Variants in DYNC1I2 observed in about 807,000 individuals in gnomAD.
DYNC1I2 encodes dynein cytoplasmic 1 intermediate chain 2, also known as cytoplasmic dynein 1 intermediate chain 2.
DYNC1I2 carries 53 observed loss-of-function variants against 88.6 expected under a neutral mutation model. The ratio of observed to expected loss-of-function variants is 0.60; its 90% CI spans 0.48 to 0.75. DYNC1I2 has a LOEUF of 0.75. Among genes scored for constraint, DYNC1I2 ranks in the 30% least tolerant of loss-of-function variants. The pLI is 0.00. For missense variants in DYNC1I2, 458 were observed against 766.6 expected (o/e 0.60, Z 4.75); for synonymous variants, 198 against 254.6 (o/e 0.78, Z 2.12).
intron 15 of DYNC1I2, among the ~76,000 whole-genome samples, chr2:171,733,470 T>G (rs866272414): frequency 3.2e-3 from 440 of 137,322 alleles, no homozygotes; most frequent in Non-Finnish European, 4.7e-3. Context: ...TTTTTTTTTT[T>G]TTTTTTTTTT....
At position 171,749,776 on chromosome 2, in the gene DYNC1I2, C is replaced by A. The variant is rs1689992178; in HGVS notation, c.*1887C>A. Among the ~76,000 whole-genome samples, 1 of 152,042 alleles carries A rather than the reference C, an allele frequency of 6.6e-6. No homozygotes were observed. The highest frequency in any genetic ancestry group is 1.9e-4 in the East Asian group (1 of 5,200). ...TACCTTTGCCCATTCAACTTTAGTC[C>A]ATATTTTTAGGAACACACAAATTTA... On this transcript the variant is annotated 3_prime_UTR_variant, in exon 18 of 18. Transcript: ENST00000397119.
chr2:171,689,971 C>G (rs142566884), intron 1 of DYNC1I2, among the ~76,000 whole-genome samples, 176 bp from the exon 2 acceptor site: 2 of 150,120 alleles, frequency 1.3e-5, no homozygotes, highest in African/African-American at 4.9e-5. Context: ...AGCAGTTCTC[C>G]CACTTTAGCC....
intron 5 of DYNC1I2, chr2:171,712,437 T>C (rs537307251): frequency 4.8e-6 from 1 of 209,604 alleles, no homozygotes; most frequent in Non-Finnish European, 9.4e-6. Context: ...CCATAAATAA[T>C]TAACTTGGGT....
In DYNC1I2 at chr2:171,749,492, A is replaced by G. The variant is rs540767566; in HGVS notation, c.*1603A>G. ...AAAACTTCAATTTTAGTAGAGTCAC[A>G]CTTTCTTTATATAGAAAAATTCATG... On this transcript the variant is annotated 3_prime_UTR_variant, in exon 18 of 18. Coordinates refer to ENST00000397119, the MANE Select transcript of DYNC1I2 (RefSeq NM_001378.3). 3.9e-5 allele frequency among the ~76,000 whole-genome samples: 6 copies of G among 152,214 alleles called. No homozygotes were observed. Among genetic ancestry groups the G allele is most frequent in the African/African-American group, 9.6e-5 (4 of 41,562 alleles).
At position 171,747,669 on chromosome 2, in the gene DYNC1I2, C is replaced by A. The variant is rs1689893689; in HGVS notation, c.1804-107C>A. On this transcript the variant is annotated intron_variant, in intron 17 of 17. Transcript: ENST00000397119. Reference sequence around the variant, plus strand: ...GTAATTATGGAAAGGCCATTCAGGTCAATTATTACTTTTTAACAGAAAAAT... The same window carrying A: ...GTAATTATGGAAAGGCCATTCAGGTAAATTATTACTTTTTAACAGAAAAAT... 6 of 696,584 alleles carry A rather than the reference C, an allele frequency of 8.6e-6. No individual in the cohort carries two copies. The South Asian group carries it at 1.4e-4, about 16-fold the overall frequency. 43.2% of individuals were successfully genotyped at this position (696,584 alleles called of 1,614,324 possible).
chr2:171,701,611 T>A (rs970678846), intron 3 of DYNC1I2, among the ~76,000 whole-genome samples: 1 of 152,206 alleles, frequency 6.6e-6, no homozygotes, highest in Non-Finnish European at 1.5e-5. Context: ...CATGGAGAGA[T>A]AATTTAGTTA....
rs1486671195 is a variant in DYNC1I2, at chr2:171,726,638, T to A, written c.871-153T>A. ...GTTCTAATTTAAAATTGTACTAATG[T>A]CCCAGTAGGCATAATGCTAGAGATG... On this transcript the variant is annotated intron_variant, in intron 10 of 17. Transcript: ENST00000397119. 3 of 749,900 alleles carry A rather than the reference T, an allele frequency of 4.0e-6. No individual in the cohort carries two copies. The African/African-American group carries it at 5.4e-5, about 14-fold the overall frequency. The allele number at this position is 749,900 out of a possible 1,614,324, so 46.5% of individuals were successfully genotyped here.
chr2:171,733,579 C>T (rs1403103800), intron 15 of DYNC1I2, among the ~76,000 whole-genome samples: 1 of 142,474 alleles, frequency 7.0e-6, no homozygotes, highest in East Asian at 2.2e-4. Flanking sequence ...TGATATATGT[C>T]TTCTTTTGAG....
At chr2:171,730,096 T>G (rs1294258232) in intron 15 of DYNC1I2, among the ~76,000 whole-genome samples, 1 of 152,194 alleles carries the variant, frequency 6.6e-6, no homozygotes, top group Non-Finnish European at 1.5e-5. Flanking sequence ...TTCAGTCTTT[T>G]CGAGCATGTA....
At chr2:171,720,467 A>G (rs1168807445) in intron 7 of DYNC1I2, among the ~76,000 whole-genome samples, 2 of 152,058 alleles carry the variant, frequency 1.3e-5, no homozygotes, top group African/African-American at 4.8e-5. Flanking sequence ...TCTAAAATGG[A>G]TTTTTCTGTA....
Position 171,712,772 on chromosome 2 carries a change from T to C in DYNC1I2, c.341T>C (p.Leu114Pro). Residue 114 changes from leucine to proline, a missense_variant, in exon 6 of 18, where the codon CTG (leucine) becomes CCG (proline). Coordinates refer to ENST00000397119, the MANE Select transcript of DYNC1I2 (RefSeq NM_001378.3). ...SGDGAVGSRTLHWDTDPSVLQ... is the reference protein window; with the variant it reads ...SGDGAVGSRTPHWDTDPSVLQ... ...GTTGTCCTACAACCATTTAGGACGC[T>C]GCATTGGGATACAGATCCATCAGTT... 6.2e-7 allele frequency: 1 copy of C among 1,613,412 alleles called. No homozygotes were observed.
At chr2:171,739,798 T>C (rs4667693) in intron 15 of DYNC1I2, among the ~76,000 whole-genome samples, 46,067 of 147,910 alleles carry the variant, frequency 0.31, 7,562 homozygotes, top group African/African-American at 0.43. Context: ...CTCTGTCTCC[T>C]GGGTTCAAGT....
At chr2:171,741,793 T>C (rs902955608) in intron 15 of DYNC1I2, among the ~76,000 whole-genome samples, 1 of 152,142 alleles carries the variant, frequency 6.6e-6, no homozygotes, top group Non-Finnish European at 1.5e-5. Flanking sequence ...AAGAGTTTCA[T>C]AGTTTTGGCC....
chr2:171,734,596 C>A (rs911924795), intron 15 of DYNC1I2, among the ~76,000 whole-genome samples: 10 of 152,246 alleles, frequency 6.6e-5, no homozygotes, highest in Non-Finnish European at 1.3e-4. Context: ...AAGGATGGGC[C>A]ACCATAGAAC....
At chr2:171,747,237 T>C (rs973038191) in intron 17 of DYNC1I2, among the ~76,000 whole-genome samples, 1 of 125,254 alleles carries the variant, frequency 8.0e-6, no homozygotes, top group Non-Finnish European at 1.8e-5. Context: ...ATATATGTTA[T>C]TGGGCTGCCT....
intron 5 of DYNC1I2, among the ~76,000 whole-genome samples, 182 bp downstream of exon 5, chr2:171,707,559 T>A (rs183897906): frequency 2.0e-3 from 297 of 152,296 alleles, no homozygotes; most frequent in Non-Finnish European, 2.2e-3. Context: ...TGTTTTTTTT[T>A]AATAATATTT....
At chr2:171,732,889 G>A (rs1238974501) in intron 15 of DYNC1I2, among the ~76,000 whole-genome samples, 1 of 152,074 alleles carries the variant, frequency 6.6e-6, no homozygotes, top group Admixed American at 6.6e-5. Flanking sequence ...TACATTCGAA[G>A]GTACAGGTAA....
At chr2:171,701,085 C>T (rs1242241086) in intron 3 of DYNC1I2, among the ~76,000 whole-genome samples, 1 of 152,146 alleles carries the variant, frequency 6.6e-6, no homozygotes, top group East Asian at 1.9e-4. Flanking sequence ...CAAAAACAAG[C>T]TTTTTGCTGG....
At chr2:171,725,226 G>T (rs548343959) in intron 7 of DYNC1I2, among the ~76,000 whole-genome samples, 2 of 152,284 alleles carry the variant, frequency 1.3e-5, no homozygotes, top group East Asian at 1.9e-4. Flanking sequence ...GTGTCAGCAT[G>T]CTATATAAAA....
Sources: gnomAD v4.1 joint callset for allele counts (sites outside exome capture counted in the v4.1 genomes callset) on GRCh38, gnomAD v4.1.1 for gene constraint, MANE v1.5 for transcripts, NCBI Gene and HGNC (gene_info 2026-07-23, HGNC 2026-07-21) for gene names.